CASZ1: variants seen among roughly 807,000 people sequenced by gnomAD.
The protein encoded by CASZ1 is castor zinc finger 1.
In CASZ1, 28 loss-of-function variants were observed where a neutral mutation model predicts 135.2. The observed-to-expected ratio is 0.21, with a 90% confidence interval of 0.15 to 0.28. The LOEUF is 0.28. Among genes scored for constraint, CASZ1 ranks in the 10% least tolerant of loss-of-function variants. CASZ1 has a pLI of 1.00. For missense variants in CASZ1, 2,161 were observed against 2,453.3 expected (o/e 0.88, Z 2.52); for synonymous variants, 1,068 against 1,073.4 (o/e 0.99, Z 0.10).
intron 1 of CASZ1, among the ~76,000 whole-genome samples, chr1:10,778,008 C>T (rs1640692099): frequency 6.6e-6 from 1 of 152,062 alleles, no homozygotes; most frequent in Non-Finnish European, 1.5e-5. Context: ...CTCATATACA[C>T]TCACTCATAC....
intron 4 of CASZ1, among the ~76,000 whole-genome samples, chr1:10,681,413 GCCCTCAGCACGCTGCC>G (rs1557501374): frequency 2.0e-5 from 3 of 152,010 alleles, no homozygotes; most frequent in African/African-American, 4.8e-5. Context: ...TCCCTGCCAG[GCCCTCAGCACGCTGCC>G]CCCTCAGCGG....
intron 2 of CASZ1, among the ~76,000 whole-genome samples, chr1:10,752,908 G>A (rs1640175637): frequency 6.6e-6 from 1 of 152,080 alleles, no homozygotes; most frequent in South Asian, 2.1e-4. Context: ...GTGGTGGCGG[G>A]TACCTGTAAT....
Position 10,638,720 on chromosome 1 carries a change from G to T in CASZ1, c.*222C>A. On this transcript the variant is annotated 3_prime_UTR_variant, in exon 21 of 21. Coordinates refer to ENST00000377022, the MANE Select transcript of CASZ1 (RefSeq NM_001079843.3). The surrounding 1 kb of genome is among the most constrained non-coding windows in gnomAD (Gnocchi z 5.9). ...CTACCCCGGGACAAGAGCACCTTCT[G>T]TTTCCCTGAAGAGACCCGGCCTCCC... The T allele has an allele frequency of 4.2e-6, 1 of 239,250 alleles. No homozygotes were observed. Among genetic ancestry groups the T allele is most frequent in the Non-Finnish European group, 6.8e-6 (1 of 147,890 alleles). The allele number at this position is 239,250 out of a possible 1,614,324, so 14.8% of individuals were successfully genotyped here. A position where few individuals can be genotyped will look rare whatever the true frequency, so the allele number is the denominator to read the frequency against.
At chr1:10,772,375 G>T (rs1450012031) in intron 1 of CASZ1, among the ~76,000 whole-genome samples, 1 of 152,200 alleles carries the variant, frequency 6.6e-6, no homozygotes, top group Non-Finnish European at 1.5e-5. Context: ...TTCCCCCATA[G>T]AAACTTCCCA....
intron 4 of CASZ1, among the ~76,000 whole-genome samples, chr1:10,668,038 C>T (rs1231160850): frequency 6.6e-6 from 1 of 152,230 alleles, no homozygotes; most frequent in Admixed American, 6.5e-5. Flanking sequence ...CCAGATGCTG[C>T]CCTCCCTCTC....
At position 10,646,881 on chromosome 1, in the gene CASZ1, C is replaced by G. The variant is rs1405350515; in HGVS notation, c.3498-555G>C. ...GGATCAACTCGGGGCCCATGGTGCCCACCCACTCAGACCTCACTTGCCGGC... is the reference window on the plus strand; with the variant it reads ...GGATCAACTCGGGGCCCATGGTGCCGACCCACTCAGACCTCACTTGCCGGC... On this transcript the variant is annotated intron_variant, in intron 16 of 20. Transcript: ENST00000377022. The surrounding 1 kb of genome is among the most constrained non-coding windows in gnomAD (Gnocchi z 6.4). Among the ~76,000 whole-genome samples, 1 of 152,210 alleles carries G rather than the reference C, an allele frequency of 6.6e-6. No individual in the cohort carries two copies. Among genetic ancestry groups the G allele is most frequent in the Non-Finnish European group, 1.5e-5 (1 of 68,042 alleles).
At chr1:10,691,656 G>A (rs1471984669) in intron 4 of CASZ1, among the ~76,000 whole-genome samples, 1 of 152,230 alleles carries the variant, frequency 6.6e-6, no homozygotes, top group East Asian at 1.9e-4. Flanking sequence ...GGCCCCAGCT[G>A]TATGCCGTGT....
At chr1:10,644,117 C>A (rs1277988495) in intron 18 of CASZ1, among the ~76,000 whole-genome samples, 1 of 152,242 alleles carries the variant, frequency 6.6e-6, no homozygotes, top group Non-Finnish European at 1.5e-5. Context: ...AGCCCCCACC[C>A]CTGCTGCCCT....
chr1:10,717,479 C>T lies in CASZ1; in HGVS notation c.-76-11935G>A, dbSNP rs527403121. On this transcript the variant is annotated intron_variant, in intron 2 of 20. Transcript: ENST00000377022. This position sits in a 1 kb window ranked among gnomAD's most constrained non-coding sequence, Gnocchi z 4.6. The stretch of plus-strand genomic sequence containing the variant: ...CCTGCTAAATAAAGCTTTGGTATTT[C>T]TGATAAAGCCATCAAATTCCTTATC... 1.3e-5 allele frequency among the ~76,000 whole-genome samples: 2 copies of T among 152,030 alleles called. No individual in the cohort carries two copies. The highest frequency in any genetic ancestry group is 6.6e-5 in the Admixed American group (1 of 15,264).
In CASZ1 at chr1:10,694,875, C is replaced by T. The variant is rs1638892046; in HGVS notation, c.-23-963G>A. ...AGTAAGGCGCCCGCGGGCACGCGCCCACTCTTGCCGGCCGCCGGCGGCCGC... is the reference window on the plus strand; with the variant it reads ...AGTAAGGCGCCCGCGGGCACGCGCCTACTCTTGCCGGCCGCCGGCGGCCGC... On this transcript the variant is annotated intron_variant, in intron 3 of 20. Transcript: ENST00000377022. This position sits in a 1 kb window ranked among gnomAD's most constrained non-coding sequence, Gnocchi z 6.6. Among the ~76,000 whole-genome samples the T allele has an allele frequency of 6.9e-6, 1 of 144,258 alleles. No individual in the cohort carries two copies. Among genetic ancestry groups the T allele is most frequent in the Non-Finnish European group, 1.5e-5 (1 of 65,038 alleles). The allele number at this position is 144,258 out of a possible 152,430, so 94.6% of individuals were successfully genotyped here. A position where few individuals can be genotyped will look rare whatever the true frequency, so the allele number is the denominator to read the frequency against.
rs1353512869 is a variant in CASZ1, at chr1:10,776,413, C to T, written c.-233-15556G>A. 6.6e-6 allele frequency among the ~76,000 whole-genome samples: 1 copy of T among 152,238 alleles called. No individual in the cohort carries two copies. Among genetic ancestry groups the T allele is most frequent in the East Asian group, 1.9e-4 (1 of 5,198 alleles). ...GCGCTCACCCCGGGCATGGAGCCTGCCCCTTTCTCCACAGCTGCCTCTTGT... is the reference window on the plus strand; with the variant it reads ...GCGCTCACCCCGGGCATGGAGCCTGTCCCTTTCTCCACAGCTGCCTCTTGT... On this transcript the variant is annotated intron_variant, in intron 1 of 20. Coordinates refer to ENST00000377022, the MANE Select transcript of CASZ1 (RefSeq NM_001079843.3). The surrounding 1 kb of genome is among the most constrained non-coding windows in gnomAD (Gnocchi z 4.1).
rs374300397 is a variant in CASZ1, at chr1:10,644,812, C to T, written c.3868+105G>A. ...CACCTTTAACAAAACGTGGAGCCTG[C>T]GGTGGGGAACAGGACGCGGGTACCA... is the stretch of plus-strand genomic sequence containing the variant. On this transcript the variant is annotated intron_variant, in intron 18 of 20. Coordinates refer to ENST00000377022, the MANE Select transcript of CASZ1 (RefSeq NM_001079843.3). The T allele has an allele frequency of 4.2e-5, 49 of 1,175,750 alleles. No homozygotes were observed. In the African/African-American group the frequency reaches 6.1e-4, roughly 15 times the overall value. 72.8% of individuals were successfully genotyped at this position (1,175,750 alleles called of 1,614,324 possible).
intron 4 of CASZ1, among the ~76,000 whole-genome samples, chr1:10,678,993 C>A (rs1308940540): frequency 1.3e-5 from 2 of 152,142 alleles, no homozygotes; most frequent in African/African-American, 4.8e-5. Flanking sequence ...CCCGTCTGCC[C>A]GCCCGCTGTG....
In CASZ1 at chr1:10,646,136, G is replaced by C; in HGVS notation, c.3688C>G (p.Pro1230Ala). ...FAYYSLQCLC[P>A]NQHCEFRMRG... ...TGTACCGCCATGCTGACCTGGTTGG[G>C]ACAGAGACACTGCAGAGAGTAGTAT... The change falls in exon 17 of 21, where the codon CCC becomes GCC. Residue 1230 changes from proline to alanine, a missense_variant. Coordinates refer to ENST00000377022, the MANE Select transcript of CASZ1 (RefSeq NM_001079843.3). This position sits in a 1 kb window ranked among gnomAD's most constrained non-coding sequence, Gnocchi z 6.4. 1 of 1,614,062 alleles carries C rather than the reference G, an allele frequency of 6.2e-7. No individual in the cohort carries two copies. The highest frequency in any genetic ancestry group is 8.5e-7 in the Non-Finnish European group (1 of 1,180,006).
chr1:10,675,549 C>T (rs1643540257), intron 4 of CASZ1, among the ~76,000 whole-genome samples: 2 of 152,216 alleles, frequency 1.3e-5, no homozygotes, highest in South Asian at 4.1e-4. Context: ...GCCTCGGTCA[C>T]ATCCGGCCAA....
In CASZ1 at chr1:10,645,044, G is replaced by C; in HGVS notation, c.3741C>G (p.Thr1247=). 1 of 1,614,030 alleles carries C rather than the reference G, an allele frequency of 6.2e-7. No individual in the cohort carries two copies. Among genetic ancestry groups the C allele is most frequent in the South Asian group, 1.1e-5 (1 of 91,086 alleles). Residue 1247 remains threonine (T), a synonymous_variant, in exon 18 of 21, where the codon ACC becomes ACG. Transcript: ENST00000377022. The part of the protein sequence containing the change: ...RMRGHYHCLR[T]GCYFVTNITT... ...TGATGTTGGTCACAAAATAGCAGCC[G>C]GTGCGGAGGCAGTGGTAGTGCCCAC...
rs1203452639 is a variant in CASZ1, at chr1:10,676,143, G to A, written c.17-10572C>T. 6.6e-6 allele frequency among the ~76,000 whole-genome samples: 1 copy of A among 152,192 alleles called. No homozygotes were observed. Among genetic ancestry groups the A allele is most frequent in the Non-Finnish European group, 1.5e-5 (1 of 68,004 alleles). On this transcript the variant is annotated intron_variant, in intron 4 of 20. Coordinates refer to ENST00000377022, the MANE Select transcript of CASZ1 (RefSeq NM_001079843.3). This position sits in a 1 kb window ranked among gnomAD's most constrained non-coding sequence, Gnocchi z 4.5. ...CTTGGGGGCCAAGGAAGGAGGGACAGCAGGAACCCCTGAGGGTCACACAGA... is the reference window on the plus strand; with the variant it reads ...CTTGGGGGCCAAGGAAGGAGGGACAACAGGAACCCCTGAGGGTCACACAGA...
At chr1:10,673,270 C>T (rs912545865) in intron 4 of CASZ1, among the ~76,000 whole-genome samples, 6 of 152,126 alleles carry the variant, frequency 3.9e-5, no homozygotes, top group Admixed American at 6.5e-5. Flanking sequence ...TAACATCCAA[C>T]GTCCTTCTGT....
In CASZ1 at chr1:10,721,911, A is replaced by T. The variant is rs1364550254; in HGVS notation, c.-76-16367T>A. ...CAGGGCAGCCTCTTCGGGTCCGCCCAGCTGCCACTCCCACCTGTCTCTTCC... is the reference window on the plus strand; with the variant it reads ...CAGGGCAGCCTCTTCGGGTCCGCCCTGCTGCCACTCCCACCTGTCTCTTCC... On this transcript the variant is annotated intron_variant, in intron 2 of 20. Coordinates refer to ENST00000377022, the MANE Select transcript of CASZ1 (RefSeq NM_001079843.3). The surrounding 1 kb of genome is among the most constrained non-coding windows in gnomAD (Gnocchi z 5.4). Among the ~76,000 whole-genome samples, 1 of 152,212 alleles carries T rather than the reference A, an allele frequency of 6.6e-6. No homozygotes were observed. The highest frequency in any genetic ancestry group is 1.5e-5 in the Non-Finnish European group (1 of 68,032).
Sources: gnomAD v4.1 joint callset for allele counts (sites outside exome capture counted in the v4.1 genomes callset) on GRCh38, gnomAD v4.1.1 for gene constraint, Gnocchi (gnomAD v3.1) non-coding constraint, MANE v1.5 for transcripts, NCBI Gene and HGNC (gene_info 2026-07-23, HGNC 2026-07-21) for gene names.